The following PIGX variants were observed in gnomAD, a reference collection of about 807,000 sequenced individuals.
PIGX encodes GPI alpha-1,4-mannosyltransferase I, stabilizing subunit.
A neutral mutation model predicts 28.7 loss-of-function variants in PIGX; 24 were observed. The ratio of observed to expected loss-of-function variants is 0.84; its 90% CI spans 0.60 to 1.17. PIGX has a LOEUF of 1.17. PIGX is among the 50% of genes most tolerant of loss of function. The probability of loss-of-function intolerance (pLI) is 0.00; values close to 1 mark genes in which losing one functional copy is unlikely to be tolerated. For synonymous variants in PIGX, 127 were observed against 121.0 expected (o/e 1.05, Z -0.33); for missense variants, 305 against 317.8 (o/e 0.96, Z 0.31).
At chr3:196,724,972 G>A (rs1301674078) in intron 3 of PIGX, among the ~76,000 whole-genome samples, 1 of 152,138 alleles carries the variant, frequency 6.6e-6, no homozygotes, top group Non-Finnish European at 1.5e-5. Flanking sequence ...TAAATGAGTG[G>A]TGTGCCAGCA....
rs1426550962 is a variant in PIGX, at chr3:196,735,935, T to C, written c.*2033T>C. On this transcript the variant is annotated 3_prime_UTR_variant, in exon 6 of 6. Transcript: ENST00000392391. ...TATTTAAAATATTTAAGATTGTGGCTTGGAATGTGGTTCAGCCATTTACTC... is the reference window on the plus strand; with the variant it reads ...TATTTAAAATATTTAAGATTGTGGCCTGGAATGTGGTTCAGCCATTTACTC... 1 of 152,200 alleles carries C rather than the reference T, an allele frequency of 6.6e-6. No homozygotes were observed. Among genetic ancestry groups the C allele is most frequent in the African/African-American group, 2.4e-5 (1 of 41,456 alleles). 9.4% of individuals were successfully genotyped at this position (152,200 alleles called of 1,614,324 possible).
At chr3:196,720,838 G>A (rs1197426176) in intron 2 of PIGX, among the ~76,000 whole-genome samples, 1 of 151,676 alleles carries the variant, frequency 6.6e-6, no homozygotes, top group East Asian at 1.9e-4. Flanking sequence ...GTTTGTGTTT[G>A]TCTGAATCTT....
intron 3 of PIGX, among the ~76,000 whole-genome samples, chr3:196,725,240 A>G (rs1447903551): frequency 1.3e-5 from 2 of 152,228 alleles, no homozygotes; most frequent in Non-Finnish European, 2.9e-5. Flanking sequence ...TACTCAAAGT[A>G]TGTAGTATTA....
intron 3 of PIGX, among the ~76,000 whole-genome samples, chr3:196,724,314 G>T (rs1485547253): frequency 1.3e-5 from 2 of 151,972 alleles, no homozygotes; most frequent in African/African-American, 2.4e-5. Context: ...CGGCCAGAAG[G>T]ATCTCATTTC....
At position 196,735,660 on chromosome 3, in the gene PIGX, G is replaced by A. The variant is rs927276170; in HGVS notation, c.*1758G>A. ...TTTCATACCTATTTCATGCTTTCTC[G>A]TAAGAAAGAATTTCATGTTTTAGAA... On this transcript the variant is annotated 3_prime_UTR_variant, in exon 6 of 6. Transcript: ENST00000392391. 2.0e-5 allele frequency: 3 copies of A among 152,078 alleles called. No homozygotes were observed. Among genetic ancestry groups the A allele is most frequent in the East Asian group, 1.9e-4 (1 of 5,200 alleles). 9.4% of individuals were successfully genotyped at this position (152,078 alleles called of 1,614,324 possible).
chr3:196,732,997 C>G (rs963601122), intron 5 of PIGX, among the ~76,000 whole-genome samples: 1 of 152,048 alleles, frequency 6.6e-6, no homozygotes, highest in African/African-American at 2.4e-5. Context: ...GAGAGAAAGG[C>G]AAATGGGAAT....
intron 4 of PIGX, chr3:196,728,838 C>T (rs1712628151): frequency 1.3e-6 from 1 of 748,814 alleles, no homozygotes; most frequent in East Asian, 2.4e-5. Context: ...CATTGGTCCA[C>T]ATTACCCCTC....
Position 196,733,848 on chromosome 3 carries a change from G to T in PIGX, c.723G>T (p.Leu241=). Residue 241 remains leucine (L), a synonymous_variant, in exon 6 of 6, where the codon CTG becomes CTT. Transcript: ENST00000392391. The surrounding 1 kb of genome is among the most constrained non-coding windows in gnomAD (Gnocchi z 4.3). Reference sequence around the variant, plus strand: ...CTGTGACTCTGCTCATTACAATCCTGTGCTCTACATTGATCCTTGTAGCAG... The same window carrying T: ...CTGTGACTCTGCTCATTACAATCCTTTGCTCTACATTGATCCTTGTAGCAG... 1 of 1,603,488 alleles carries T rather than the reference G, an allele frequency of 6.2e-7. No individual in the cohort carries two copies. The highest frequency in any genetic ancestry group is 8.5e-7 in the Non-Finnish European group (1 of 1,170,428).
intron 5 of PIGX, among the ~76,000 whole-genome samples, chr3:196,732,288 A>T (rs558936125): frequency 0.49 from 21,627 of 43,888 alleles, 4,472 homozygotes; most frequent in Non-Finnish European, 0.51. Flanking sequence ...TTTTTATTTT[A>T]TTTTTTTTTT....
intron 4 of PIGX, among the ~76,000 whole-genome samples, chr3:196,729,001 G>T (rs183724431): frequency 5.3e-5 from 8 of 152,208 alleles, no homozygotes; most frequent in African/African-American, 1.4e-4. Flanking sequence ...CTGCATAATT[G>T]TCGTTTCTGT....
Position 196,712,598 on chromosome 3 carries a change from C to T in PIGX, c.66C>T (p.Leu22=). ...TGCTCCTCGGGGCGGCGACCGGGCT[C>T]ACGCGCGGGCCCGCCGCGGCCTTCA... Residue 22 remains leucine, a synonymous_variant, in exon 1 of 6, where the codon CTC becomes CTT. Coordinates refer to ENST00000392391, the MANE Select transcript of PIGX (RefSeq NM_017861.4). 1.7e-6 allele frequency: 2 copies of T among 1,191,842 alleles called. No homozygotes were observed. Among genetic ancestry groups the T allele is most frequent in the South Asian group, 4.2e-5 (1 of 23,996 alleles). The allele number at this position is 1,191,842 out of a possible 1,614,324, so 73.8% of individuals were successfully genotyped here.
At chr3:196,721,338 G>A (rs1712314685) in intron 2 of PIGX, 1 of 175,592 alleles carries the variant, frequency 5.7e-6, no homozygotes, top group Non-Finnish European at 1.2e-5. Context: ...AGCATCTAAT[G>A]GCTTTTAATT....
chr3:196,732,677 T>C (rs191536092), intron 5 of PIGX, among the ~76,000 whole-genome samples: 1 of 152,336 alleles, frequency 6.6e-6, no homozygotes, highest in Non-Finnish European at 1.5e-5. Context: ...TGTCATTTTT[T>C]TGAATGACGG....
chr3:196,713,836 C>CA lies in PIGX; in HGVS notation c.112+1209dup, dbSNP rs200901752. Among the ~76,000 whole-genome samples the CA allele has an allele frequency of 6.2e-3, 659 of 105,520 alleles. 5 individuals carry two copies. Among genetic ancestry groups the CA allele is most frequent in the African/African-American group, 0.014 (403 of 28,622 alleles). The allele number at this position is 105,520 out of a possible 152,430, so 69.2% of individuals were successfully genotyped here. ...TGGGTGACAGAGGGAGACTCTGTCT[C>CA]AAAAAAAAAAAAAAAAAGGAAAAAG... is the stretch of plus-strand genomic sequence containing the variant. On this transcript the variant is annotated intron_variant, in intron 1 of 5. Transcript: ENST00000392391.
At chr3:196,727,407 G>A (rs1328662580) in intron 3 of PIGX, among the ~76,000 whole-genome samples, 4 of 151,958 alleles carry the variant, frequency 2.6e-5, no homozygotes, top group African/African-American at 7.3e-5. Context: ...TCCATTAACT[G>A]TTTATACCGT....
Position 196,733,739 on chromosome 3 carries a change from T to TTCTC in PIGX, c.634-9_634-6dup, listed in dbSNP as rs749521246. 2 of 1,566,276 alleles carry TTCTC rather than the reference T, an allele frequency of 1.3e-6. No homozygotes were observed. Among genetic ancestry groups the TTCTC allele is most frequent in the Non-Finnish European group, 1.8e-6 (2 of 1,138,630 alleles). On this transcript the variant is annotated intron_variant, in intron 5 of 5. Coordinates refer to ENST00000392391, the MANE Select transcript of PIGX (RefSeq NM_017861.4). This position sits in a 1 kb window ranked among gnomAD's most constrained non-coding sequence, Gnocchi z 4.3. ...ATGACATGCATTTTCAATGTCTAAC[T>TTCTC]TCTCTCTCTCTCTCCATAGGTATAT... is the stretch of plus-strand genomic sequence containing the variant.
intron 3 of PIGX, 45 bp downstream of exon 3, chr3:196,722,601 G>A (rs776565142): frequency 1.9e-6 from 3 of 1,542,640 alleles, no homozygotes; most frequent in African/African-American, 1.4e-5. Flanking sequence ...TAATTTAGGG[G>A]TGCTGTAGTT....
At chr3:196,726,598 T>G (rs1262049092) in intron 3 of PIGX, 1 of 446,960 alleles carries the variant, frequency 2.2e-6, no homozygotes, top group Non-Finnish European at 4.5e-6. Context: ...ATATGATGAA[T>G]GATTTGGAAA....
chr3:196,732,256 ATTT>A lies in PIGX; in HGVS notation c.633+1166_633+1168del, dbSNP rs1292188907. ...TATATATATATATATATATATATAT[ATTT>A]TATTTTATTTTATTTTTTTTTTTAT... On this transcript the variant is annotated intron_variant, in intron 5 of 5. Coordinates refer to ENST00000392391, the MANE Select transcript of PIGX (RefSeq NM_017861.4). 2.6e-3 allele frequency among the ~76,000 whole-genome samples: 60 copies of A among 23,202 alleles called. 1 individual carries two copies. Among genetic ancestry groups the A allele is most frequent in the African/African-American group, 3.6e-3 (23 of 6,386 alleles). The allele number at this position is 23,202 out of a possible 152,430, so 15.2% of individuals were successfully genotyped here. A position where few individuals can be genotyped will look rare whatever the true frequency, so the allele number is the denominator to read the frequency against.
Sources: allele counts gnomAD v4.1 joint callset (sites outside exome capture counted in the v4.1 genomes callset), GRCh38; gene constraint gnomAD v4.1.1; non-coding constraint Gnocchi (gnomAD v3.1); transcripts MANE v1.5; gene names NCBI Gene and HGNC (gene_info 2026-07-23, HGNC 2026-07-21).